ST3GAL1: variants seen among roughly 807,000 people sequenced by gnomAD.
ST3GAL1 encodes CMP-N-acetylneuraminate-beta-galactosamide-alpha-2,3-sialyltransferase 1.
ST3GAL1 carries 16 observed loss-of-function variants against 34.1 expected under a neutral mutation model. The observed-to-expected ratio is 0.47, with a 90% CI of 0.32 to 0.71. The LOEUF (loss-of-function observed/expected upper bound fraction) is 0.71. Among genes scored for constraint, ST3GAL1 ranks in the 30% least tolerant of loss-of-function variants. The pLI is 0.04. For missense variants in ST3GAL1, 353 were observed against 447.4 expected (o/e 0.79, Z 1.90); for synonymous variants, 191 against 184.7 (o/e 1.03, Z -0.28).
chr8:133,511,835 T>C (rs749646646), intron 2 of ST3GAL1, among the ~76,000 whole-genome samples: 3 of 152,058 alleles, frequency 2.0e-5, no homozygotes, highest in Admixed American at 6.6e-5. Context: ...GGGCAGATCA[T>C]GAGGTCAAGA....
intron 2 of ST3GAL1, among the ~76,000 whole-genome samples, chr8:133,513,571 G>C (rs755926112): frequency 1.3e-5 from 2 of 152,078 alleles, no homozygotes; most frequent in Non-Finnish European, 2.9e-5. Context: ...GGCTCTCAAA[G>C]CCTAAAATAT....
intron 2 of ST3GAL1, among the ~76,000 whole-genome samples, chr8:133,504,530 A>G (rs755747932): frequency 1.3e-5 from 2 of 152,248 alleles, no homozygotes; most frequent in East Asian, 3.8e-4. Flanking sequence ...TCCCAGGCAT[A>G]AAATAATAGC....
chr8:133,514,649 G>A (rs1043809330), intron 2 of ST3GAL1, among the ~76,000 whole-genome samples: 2 of 152,104 alleles, frequency 1.3e-5, no homozygotes, highest in African/African-American at 4.8e-5. Flanking sequence ...TCGTACTCCT[G>A]CATTCTCAGG....
chr8:133,533,840 C>T (rs535300700), intron 2 of ST3GAL1, among the ~76,000 whole-genome samples: 2 of 152,288 alleles, frequency 1.3e-5, no homozygotes, highest in East Asian at 3.9e-4. Flanking sequence ...ACAGAAAATG[C>T]TAAAGGCAAC....
chr8:133,471,324 CCG>C, intron 5 of ST3GAL1, among the ~76,000 whole-genome samples: 2 of 151,384 alleles, frequency 1.3e-5, no homozygotes, highest in East Asian at 4.0e-4. Context: ...ATCCCCGGTG[CCG>C]TGTGGGGTGG....
At position 133,505,551 on chromosome 8, in the gene ST3GAL1, C is replaced by T. The variant is rs552012680; in HGVS notation, c.-428-6362G>A. ...AAATAGGTTGACATCTCAGGTCTGT[C>T]ACAGTTCTTTATATCTACTAGCCTC... is the stretch of plus-strand genomic sequence containing the variant. On this transcript the variant is annotated intron_variant, in intron 2 of 9. Transcript: ENST00000522652. Among the ~76,000 whole-genome samples the T allele has an allele frequency of 2.0e-5, 3 of 152,258 alleles. No individual in the cohort carries two copies. In the South Asian group the frequency reaches 6.2e-4, roughly 32 times the overall value.
rs1487401944 is a variant in ST3GAL1 at position 133,456,409 on chromosome 8, C to A, written c.*3355G>T. 6.6e-6 allele frequency: 1 copy of A among 152,244 alleles called. No homozygotes were observed. The highest frequency in any genetic ancestry group is 2.1e-4 in the South Asian group (1 of 4,834). 9.4% of individuals were successfully genotyped at this position (152,244 alleles called of 1,614,324 possible). A position where few individuals can be genotyped will look rare whatever the true frequency, so the allele number is the denominator to read the frequency against. ...GACCCCTCTGCTCCCTGCCTGAATGCAGGGCCAGTCTCCAAGGAACTCTGT... is the reference window on the plus strand; with the variant it reads ...GACCCCTCTGCTCCCTGCCTGAATGAAGGGCCAGTCTCCAAGGAACTCTGT... On this transcript the variant is annotated 3_prime_UTR_variant, in exon 10 of 10. Transcript: ENST00000522652.
chr8:133,551,143 C>T (rs1240345500), intron 1 of ST3GAL1, among the ~76,000 whole-genome samples: 1 of 152,094 alleles, frequency 6.6e-6, no homozygotes, highest in Non-Finnish European at 1.5e-5. Context: ...TCTAGGTGTG[C>T]CCCTAGGGGA....
In ST3GAL1 at chr8:133,467,417, C is replaced by T. The variant is rs1247911293; in HGVS notation, c.307-1327G>A. Among the ~76,000 whole-genome samples, 1 of 152,202 alleles carries T rather than the reference C, an allele frequency of 6.6e-6. No individual in the cohort carries two copies. The highest frequency in any genetic ancestry group is 2.4e-5 in the African/African-American group (1 of 41,442). ...GATTTCATAAAAGTGTTGCATCTGA[C>T]CTTGTCCCCATGCCACAGTGCTGTG... On this transcript the variant is annotated intron_variant, in intron 5 of 9. Transcript: ENST00000522652. This position sits in a 1 kb window ranked among gnomAD's most constrained non-coding sequence, Gnocchi z 4.2.
At chr8:133,462,334 A>C (rs1419835205) in intron 8 of ST3GAL1, among the ~76,000 whole-genome samples, 1 of 152,178 alleles carries the variant, frequency 6.6e-6, no homozygotes, top group Non-Finnish European at 1.5e-5. Context: ...TCCAGGGAAC[A>C]GTGTGAGGTG....
intron 2 of ST3GAL1, among the ~76,000 whole-genome samples, chr8:133,540,124 C>T (rs1002326321): frequency 1.1e-4 from 16 of 152,282 alleles, no homozygotes; most frequent in Non-Finnish European, 2.1e-4. Context: ...GATCCATCCT[C>T]AAAATCACCC....
At chr8:133,507,195 CT>C (rs1335862563) in intron 2 of ST3GAL1, among the ~76,000 whole-genome samples, 1 of 152,196 alleles carries the variant, frequency 6.6e-6, no homozygotes, top group Non-Finnish European at 1.5e-5. Flanking sequence ...AATGAGTGTG[CT>C]ACCATGCTGT....
intron 2 of ST3GAL1, among the ~76,000 whole-genome samples, chr8:133,541,056 CATATATATATAGACAT>C (rs1265761602): frequency 3.7e-4 from 18 of 48,410 alleles, no homozygotes; most frequent in African/African-American, 2.5e-3. Context: ...TATATATAGA[CATATATATATAGACAT>C]ATATATAGAC....
chr8:133,536,539 A>T (rs1480524331), intron 2 of ST3GAL1, among the ~76,000 whole-genome samples: 2 of 152,182 alleles, frequency 1.3e-5, no homozygotes, highest in Non-Finnish European at 2.9e-5. Context: ...GTGGTTCACC[A>T]TGGAAAGCCC....
At chr8:133,532,478 T>C (rs973011292) in intron 2 of ST3GAL1, among the ~76,000 whole-genome samples, 1 of 152,134 alleles carries the variant, frequency 6.6e-6, no homozygotes, top group Non-Finnish European at 1.5e-5. Flanking sequence ...AAGTCATTTA[T>C]GTTACCATAT....
chr8:133,483,956 A>C (rs1013506257), intron 3 of ST3GAL1, among the ~76,000 whole-genome samples: 1 of 152,228 alleles, frequency 6.6e-6, no homozygotes, highest in Non-Finnish European at 1.5e-5. Flanking sequence ...TTGGAAACGC[A>C]GATGCATTGT....
chr8:133,519,316 T>C (rs1160762847), intron 2 of ST3GAL1, among the ~76,000 whole-genome samples: 7 of 152,120 alleles, frequency 4.6e-5, no homozygotes, highest in Non-Finnish European at 7.4e-5. Flanking sequence ...TGTGGACTCA[T>C]TAGCCACACT....
At chr8:133,496,124 G>T (rs966841538) in intron 3 of ST3GAL1, among the ~76,000 whole-genome samples, 2 of 152,170 alleles carry the variant, frequency 1.3e-5, no homozygotes, top group African/African-American at 2.4e-5. Context: ...GTCACACAGC[G>T]CAGGAGTTTT....
intron 2 of ST3GAL1, among the ~76,000 whole-genome samples, chr8:133,506,900 G>T (rs6989679): frequency 0.77 from 116,410 of 151,484 alleles, 45,297 homozygotes; most frequent in African/African-American, 0.9. Flanking sequence ...CCATCCTGGC[G>T]AACACGGTGA....
Sources: gnomAD v4.1 joint callset for allele counts (sites outside exome capture counted in the v4.1 genomes callset) on GRCh38, gnomAD v4.1.1 for gene constraint, Gnocchi (gnomAD v3.1) non-coding constraint, MANE v1.5 for transcripts, NCBI Gene and HGNC (gene_info 2026-07-23, HGNC 2026-07-21) for gene names.